The following BIRC3 variants were observed in gnomAD, a reference collection of about 807,000 sequenced individuals.
The protein encoded by BIRC3 is baculoviral IAP repeat containing 3.
BIRC3 carries 26 observed loss-of-function variants against 59.0 expected under a neutral mutation model. The ratio of observed to expected loss-of-function variants is 0.44; its 90% confidence interval spans 0.32 to 0.61. BIRC3 has a LOEUF of 0.61. Ranked by LOEUF, BIRC3 falls within the 20% of genes least tolerant of loss-of-function variation. The pLI is 0.04. For synonymous variants in BIRC3, 243 were observed against 249.2 expected (o/e 0.98, Z 0.24); for missense variants, 641 against 711.5 (o/e 0.90, Z 1.13).
intron 6 of BIRC3, among the ~76,000 whole-genome samples, chr11:102,335,436 A>G (rs1951185804): frequency 6.6e-6 from 1 of 152,296 alleles, no homozygotes; most frequent in Non-Finnish European, 1.5e-5. Flanking sequence ...ACAGTACATG[A>G]CACCAGACTA....
At chr11:102,329,051 C>T (rs1395608184) in intron 5 of BIRC3, 106 bp downstream of exon 5, 18 of 603,594 alleles carry the variant, frequency 3.0e-5, no homozygotes, top group Non-Finnish European at 3.9e-5. Context: ...TTATAATTTA[C>T]GATGAATGCA....
chr11:102,336,808 G>A lies in BIRC3; in HGVS notation c.1621+7G>A. On this transcript the variant is annotated splice_region_variant and intron_variant, in intron 8 of 8. Coordinates refer to ENST00000263464, the MANE Select transcript of BIRC3 (RefSeq NM_001165.5). ...CCCACAGAAGATGTTTCAGGTAATA[G>A]TACTAATATTTTAAATCAATAGAGA... 6.2e-7 allele frequency: 1 copy of A among 1,604,428 alleles called. No individual in the cohort carries two copies. The highest frequency in any genetic ancestry group is 8.5e-7 in the Non-Finnish European group (1 of 1,176,440).
At position 102,321,174 on chromosome 11, in the gene BIRC3, G is replaced by C. The variant is rs541199100; in HGVS notation, c.-2673-663G>C. On this transcript the variant is annotated intron_variant, in intron 1 of 8. Transcript: ENST00000263464. ...GGTTTCTTTAATTGCACTGTAATTA[G>C]GTAAGATGTTAGCTTTGGGGAAGCT... Among the ~76,000 whole-genome samples the C allele has an allele frequency of 2.0e-5, 3 of 152,322 alleles. No homozygotes were observed. In the East Asian group the frequency reaches 5.8e-4, roughly 29 times the overall value.
chr11:102,324,501 C>A lies in BIRC3; in HGVS notation c.-9C>A. On this transcript the variant is annotated 5_prime_UTR_variant, in exon 2 of 9. Coordinates refer to ENST00000263464, the MANE Select transcript of BIRC3 (RefSeq NM_001165.5). Reference sequence around the variant, plus strand: ...AGGCTAGTCCCTTTTCTTCCCCATTCATTTCATTATGAACATAGTAGAAAA... The same window carrying A: ...AGGCTAGTCCCTTTTCTTCCCCATTAATTTCATTATGAACATAGTAGAAAA... 6.3e-7 allele frequency: 1 copy of A among 1,593,634 alleles called. No individual in the cohort carries two copies. Among genetic ancestry groups the A allele is most frequent in the South Asian group, 1.1e-5 (1 of 87,892 alleles).
At position 102,324,497 on chromosome 11, in the gene BIRC3, C is replaced by G. The variant is rs1179069369; in HGVS notation, c.-13C>G. On this transcript the variant is annotated 5_prime_UTR_variant, in exon 2 of 9. Coordinates refer to ENST00000263464, the MANE Select transcript of BIRC3 (RefSeq NM_001165.5). ...AGAAAGGCTAGTCCCTTTTCTTCCC[C>G]ATTCATTTCATTATGAACATAGTAG... The G allele has an allele frequency of 6.3e-7, 1 of 1,590,004 alleles. No individual in the cohort carries two copies. Among genetic ancestry groups the G allele is most frequent in the Non-Finnish European group, 8.6e-7 (1 of 1,167,510 alleles).
At chr11:102,325,795 T>C (rs938360091) in intron 3 of BIRC3, among the ~76,000 whole-genome samples, 1 of 151,928 alleles carries the variant, frequency 6.6e-6, no homozygotes, top group Admixed American at 6.6e-5. Context: ...TATATATATA[T>C]TTAAATAATA....
Position 102,324,393 on chromosome 11 carries a change from A to G in BIRC3, c.-117A>G, listed in dbSNP as rs17882391. On this transcript the variant is annotated 5_prime_UTR_variant, in exon 2 of 9. It adds an upstream start codon to the 5' untranslated region. Transcript: ENST00000263464. ...CTAAATGCATAGAAATAAAAATAAT[A>G]AAAAATTTTTCATTTTGGCTTTTCA... 0.069 allele frequency: 81,586 copies of G among 1,185,620 alleles called. 3,320 individuals are homozygous for G. The highest frequency in any genetic ancestry group is 0.081 in the Non-Finnish European group (70,708 of 868,698). The allele number at this position is 1,185,620 out of a possible 1,614,324, so 73.4% of individuals were successfully genotyped here. A position where few individuals can be genotyped will look rare whatever the true frequency, so the allele number is the denominator to read the frequency against.
chr11:102,336,160 G>A lies in BIRC3; in HGVS notation c.1519G>A (p.Ala507Thr). 5.0e-6 allele frequency: 8 copies of A among 1,613,870 alleles called. No individual in the cohort carries two copies. Among genetic ancestry groups the A allele is most frequent in the Non-Finnish European group, 6.8e-6 (8 of 1,179,886 alleles). ...GATTTTAGTAAAAGGAAATATTGCA[G>A]CCACTGTATTCAGAAACTCTCTGCA... ...DTILVKGNIA[A>T]TVFRNSLQEA... Residue 507 changes from alanine to threonine, a missense_variant, in exon 7 of 9, where the codon GCC (alanine) becomes ACC (threonine). This residue lies in a region of BIRC3 where 268 missense variants were observed against 255.7 expected (regional missense o/e 1.05). Transcript: ENST00000263464.
chr11:102,322,935 A>G lies in BIRC3; in HGVS notation c.-1575A>G. 1 of 204,396 alleles carries G rather than the reference A, an allele frequency of 4.9e-6. No individual in the cohort carries two copies. The highest frequency in any genetic ancestry group is 7.5e-5 in the East Asian group (1 of 13,352). 12.7% of individuals were successfully genotyped at this position (204,396 alleles called of 1,614,324 possible). A position where few individuals can be genotyped will look rare whatever the true frequency, so the allele number is the denominator to read the frequency against. On this transcript the variant is annotated 5_prime_UTR_variant, in exon 2 of 9. Coordinates refer to ENST00000263464, the MANE Select transcript of BIRC3 (RefSeq NM_001165.5). Reference sequence around the variant, plus strand: ...CTGCTGTTGAAATGGTAAATTTATTATTTTTTTTGTCATGATAAATTCTGG... The same window carrying G: ...CTGCTGTTGAAATGGTAAATTTATTGTTTTTTTTGTCATGATAAATTCTGG...
At position 102,331,232 on chromosome 11, in the gene BIRC3, A is replaced by T. The variant is rs753096055; in HGVS notation, c.1315A>T (p.Lys439Ter). ...GGAGAGAGAAAGAGCAACTGAGGAAAAAGAATCAAGTATGTAGATTTATTA... is the reference window on the plus strand; with the variant it reads ...GGAGAGAGAAAGAGCAACTGAGGAATAAGAATCAAGTATGTAGATTTATTA... ...EEERERATEE[K>*]ESNDLLLIRK... Residue 439 changes from lysine (K) to a stop codon, truncating the protein, a stop_gained, in exon 6 of 9, where the codon AAA becomes TAA. Coordinates refer to ENST00000263464, the MANE Select transcript of BIRC3 (RefSeq NM_001165.5). LOFTEE classifies it high-confidence loss of function. The T allele has an allele frequency of 1.2e-6, 2 of 1,608,376 alleles. No homozygotes were observed. The highest frequency in any genetic ancestry group is 1.7e-6 in the Non-Finnish European group (2 of 1,178,288).
intron 5 of BIRC3, 74 bp downstream of exon 5, chr11:102,329,019 A>G (rs1591522695): frequency 1.2e-6 from 1 of 860,152 alleles, no homozygotes; most frequent in Non-Finnish European, 1.8e-6. Context: ...AGTTGATAAT[A>G]GTAATGTACC....
intron 1 of BIRC3, among the ~76,000 whole-genome samples, chr11:102,318,151 C>A (rs1430186042): frequency 6.6e-6 from 1 of 152,260 alleles, no homozygotes; most frequent in East Asian, 1.9e-4. Context: ...ACATTAAGTA[C>A]TGCTACCTGC....
In BIRC3 at chr11:102,335,995, A is replaced by G; in HGVS notation, c.1354A>G (p.Met452Val). ...TTTATTATTAATCCGGAAGAATAGA[A>G]TGGCACTTTTTCAACATTTGACTTG... is the stretch of plus-strand genomic sequence containing the variant. ...NDLLLIRKNR[M>V]ALFQHLTCVI... is the part of the protein sequence containing the mutation. Residue 452 changes from methionine to valine, a missense_variant, in exon 7 of 9, where the codon ATG (methionine) becomes GTG (valine). Around this residue, in one of 4 missense-constraint regions of BIRC3, gnomAD observed 268 missense variants for 255.7 expected, o/e 1.05. Transcript: ENST00000263464. 6.2e-7 allele frequency: 1 copy of G among 1,611,306 alleles called. No homozygotes were observed. Among genetic ancestry groups the G allele is most frequent in the Non-Finnish European group, 8.5e-7 (1 of 1,178,882 alleles).
In BIRC3 at chr11:102,337,403, T is replaced by A. The variant is rs1012461837; in HGVS notation, c.*301T>A. On this transcript the variant is annotated 3_prime_UTR_variant, in exon 9 of 9. Coordinates refer to ENST00000263464, the MANE Select transcript of BIRC3 (RefSeq NM_001165.5). ...TGAAGTAAAACTTAAGATATTTGAG[T>A]TAACCTTTAAGAATTTTAAATATTT... is the stretch of plus-strand genomic sequence containing the variant. The A allele has an allele frequency of 7.4e-6, 3 of 404,300 alleles. No homozygotes were observed. The highest frequency in any genetic ancestry group is 1.3e-5 in the Non-Finnish European group (3 of 230,626). The allele number at this position is 404,300 out of a possible 1,614,324, so 25.0% of individuals were successfully genotyped here.
Position 102,331,175 on chromosome 11 carries a change from T to G in BIRC3, c.1258T>G (p.Leu420Val), listed in dbSNP as rs1565324041. 1 of 1,613,644 alleles carries G rather than the reference T, an allele frequency of 6.2e-7. No individual in the cohort carries two copies. Among genetic ancestry groups the G allele is most frequent in the Non-Finnish European group, 8.5e-7 (1 of 1,179,806 alleles). The change falls in exon 6 of 9, where the codon TTA becomes GTA. Residue 420 changes from leucine (L) to valine (V), a missense_variant. This residue lies in a region of BIRC3 where 268 missense variants were observed against 255.7 expected (regional missense o/e 1.05). Coordinates refer to ENST00000263464, the MANE Select transcript of BIRC3 (RefSeq NM_001165.5). ...ACTAGTCAATGATCTTGTGTTAGAC[T>G]TACTCAATGCAGAAGATGAAATAAG... is the stretch of plus-strand genomic sequence containing the variant. Reference protein sequence around the residue: ...YRLVNDLVLDLLNAEDEIREE... With the variant: ...YRLVNDLVLDVLNAEDEIREE...
chr11:102,332,812 G>A (rs558164492), intron 6 of BIRC3, among the ~76,000 whole-genome samples: 2 of 152,066 alleles, frequency 1.3e-5, no homozygotes, highest in East Asian at 1.9e-4. Flanking sequence ...ATACAGTCAC[G>A]GTTAACCTTT....
At chr11:102,327,496 C>G (rs935779602) in intron 3 of BIRC3, among the ~76,000 whole-genome samples, 1 of 151,992 alleles carries the variant, frequency 6.6e-6, no homozygotes, top group African/African-American at 2.4e-5. Flanking sequence ...AAAAATTAGC[C>G]GGCCATGGTG....
intron 4 of BIRC3, 117 bp downstream of exon 4, chr11:102,328,247 T>C: frequency 1.3e-6 from 1 of 788,990 alleles, no homozygotes; most frequent in East Asian, 2.7e-5. Flanking sequence ...ACATTTTCTT[T>C]TTCTTATCAA....
chr11:102,327,996 A>T (rs531140238), intron 3 of BIRC3, 56 bp from the exon 4 acceptor site: 6 of 1,390,648 alleles, frequency 4.3e-6, no homozygotes, highest in Non-Finnish European at 6.0e-6. Flanking sequence ...ATGTTATTAC[A>T]TTTTCATTTC....
Sources: allele counts gnomAD v4.1 joint callset (sites outside exome capture counted in the v4.1 genomes callset), GRCh38; gene constraint gnomAD v4.1.1; regional missense constraint gnomAD v4.1.1; transcripts MANE v1.5; gene names NCBI Gene and HGNC (gene_info 2026-07-23, HGNC 2026-07-21).